MINDY2: variants seen among roughly 807,000 people sequenced by gnomAD.
MINDY2 encodes ubiquitin carboxyl-terminal hydrolase MINDY-2.
MINDY2 carries 52 observed loss-of-function variants against 68.2 expected under a neutral mutation model. The observed-to-expected ratio is 0.76, with a 90% CI of 0.61 to 0.96. The LOEUF (loss-of-function observed/expected upper bound fraction) is 0.96, where lower values mean the gene tolerates loss of function less well. MINDY2 is among the 40% of genes least tolerant of loss of function. MINDY2 has a pLI of 0.00. For synonymous variants in MINDY2, 372 were observed against 303.0 expected (o/e 1.23, Z -2.36); for missense variants, 881 against 773.4 (o/e 1.14, Z -1.65).
At position 58,807,174 on chromosome 15, in the gene MINDY2, G is replaced by C. The variant is rs1012548252; in HGVS notation, c.964-3056G>C. 5.9e-5 allele frequency among the ~76,000 whole-genome samples: 9 copies of C among 151,966 alleles called. 1 individual carries two copies. The East Asian group carries it at 1.5e-3, about 26-fold the overall frequency. ...TTATCAAACCCCTCTACAAACTATA[G>C]TCTACTGTTCTTATTTTGTGTCTTT... is the stretch of plus-strand genomic sequence containing the variant. On this transcript the variant is annotated intron_variant, in intron 3 of 8. Coordinates refer to ENST00000559228, the MANE Select transcript of MINDY2 (RefSeq NM_001040450.3).
Position 58,857,555 on chromosome 15 carries a change from A to AAT in MINDY2, c.*2945_*2946insAT. Reference sequence around the variant, plus strand: ...TCTCAAAAAAAAAAAAAAAAAAAAAATTAGAGCTATTGTGTCTTTATTTTC... The same window carrying AAT: ...TCTCAAAAAAAAAAAAAAAAAAAAAAATTTAGAGCTATTGTGTCTTTATTTTC... On this transcript the variant is annotated 3_prime_UTR_variant, in exon 9 of 9. Coordinates refer to ENST00000559228, the MANE Select transcript of MINDY2 (RefSeq NM_001040450.3). The AAT allele has an allele frequency of 6.6e-6, 1 of 151,274 alleles. No individual in the cohort carries two copies. The highest frequency in any genetic ancestry group is 2.4e-5 in the African/African-American group (1 of 41,144). The allele number at this position is 151,274 out of a possible 1,614,324, so 9.4% of individuals were successfully genotyped here. A position where few individuals can be genotyped will look rare whatever the true frequency, so the allele number is the denominator to read the frequency against.
chr15:58,829,919 C>T (rs1177261813), intron 5 of MINDY2, among the ~76,000 whole-genome samples: 2 of 152,130 alleles, frequency 1.3e-5, no homozygotes, highest in Non-Finnish European at 2.9e-5. Context: ...CTGGCACTAC[C>T]AAGTTTTCTT....
intron 6 of MINDY2, among the ~76,000 whole-genome samples, chr15:58,844,372 C>A (rs1245409653): frequency 1.3e-5 from 2 of 151,162 alleles, no homozygotes; most frequent in Non-Finnish European, 2.9e-5. Context: ...ACGGTGAAAC[C>A]CCGTCTCTAC....
intron 2 of MINDY2, among the ~76,000 whole-genome samples, chr15:58,791,215 TTATATATATATATATA>T (rs57998049): frequency 0.036 from 2,866 of 79,568 alleles, 179 homozygotes; most frequent in East Asian, 0.054. Flanking sequence ...GAAAGCAATT[TTATATATATATATATA>T]TATATATATA....
At position 58,831,832 on chromosome 15, in the gene MINDY2, A is replaced by G. The variant is rs758780205; in HGVS notation, c.1284A>G (p.Leu428=). 1 of 1,613,796 alleles carries G rather than the reference A, an allele frequency of 6.2e-7. No homozygotes were observed. The highest frequency in any genetic ancestry group is 1.3e-5 in the African/African-American group (1 of 75,054). ...CCACTCAACTGACATACCATGGATT[A>G]TGTGAACTAACTTCAACGGTTCAGG... ...NTATQLTYHG[L]CELTSTVQEG... The change falls in exon 6 of 9, where the codon TTA becomes TTG. Residue 428 remains leucine, a synonymous_variant. Transcript: ENST00000559228.
Position 58,771,853 on chromosome 15 carries a change from G to C in MINDY2, c.458G>C (p.Ser153Thr). Reference protein sequence around the residue: ...LTAAGSEEPSSAGGLSSSCSD... With the variant: ...LTAAGSEEPSTAGGLSSSCSD... Reference sequence around the variant, plus strand: ...GCCGCCGGCTCCGAAGAGCCCAGCAGCGCCGGCGGCCTCAGCAGCAGTTGC... The same window carrying C: ...GCCGCCGGCTCCGAAGAGCCCAGCACCGCCGGCGGCCTCAGCAGCAGTTGC... Residue 153 changes from serine to threonine, a missense_variant, in exon 1 of 9, where the codon AGC (serine) becomes ACC (threonine). By Grantham distance (58) the Ser-to-Thr change is moderately conservative. Transcript: ENST00000559228. The C allele has an allele frequency of 6.3e-7, 1 of 1,594,256 alleles. No individual in the cohort carries two copies. The highest frequency in any genetic ancestry group is 8.5e-7 in the Non-Finnish European group (1 of 1,170,866).
intron 1 of MINDY2, among the ~76,000 whole-genome samples, chr15:58,781,252 A>G (rs543786193): frequency 8.7e-4 from 133 of 152,174 alleles, no homozygotes; most frequent in African/African-American, 3.0e-3. Context: ...GGGTTTTACC[A>G]TGTTGGCCAG....
At position 58,792,422 on chromosome 15, in the gene MINDY2, A is replaced by G. The variant is rs188918550; in HGVS notation, c.898+4459A>G. ...AGAGTTTGAGACCAGCCTGGCCAAC[A>G]TGGTAAAACCCCGTCTCTACTAAGA... On this transcript the variant is annotated intron_variant, in intron 2 of 8. Transcript: ENST00000559228. Among the ~76,000 whole-genome samples, 5 of 152,340 alleles carry G rather than the reference A, an allele frequency of 3.3e-5. No individual in the cohort carries two copies. The East Asian group carries it at 5.8e-4, about 18-fold the overall frequency.
At chr15:58,792,815 G>C (rs975333768) in intron 2 of MINDY2, among the ~76,000 whole-genome samples, 2 of 152,130 alleles carry the variant, frequency 1.3e-5, no homozygotes, top group African/African-American at 4.8e-5. Context: ...AAGTACAAAA[G>C]ACCATATAGT....
chr15:58,847,463 T>C lies in MINDY2; in HGVS notation c.1535T>C (p.Ile512Thr), dbSNP rs1373557602. The change falls in exon 7 of 9, where the codon ATA (isoleucine) becomes ACA (threonine). Residue 512 changes from isoleucine to threonine, a missense_variant. Ile to Thr is a moderately conservative substitution (Grantham distance 89). Transcript: ENST00000559228. Reference sequence around the variant, plus strand: ...GTATACAAAGGACAACAAGATCAGATAGATCAGGTAAATTTGTATTGTCGT... The same window carrying C: ...GTATACAAAGGACAACAAGATCAGACAGATCAGGTAAATTTGTATTGTCGT... ...ETVYKGQQDQIDQDYLMALSL... is the reference protein window; with the variant it reads ...ETVYKGQQDQTDQDYLMALSL... 6.5e-7 allele frequency: 1 copy of C among 1,538,288 alleles called. No homozygotes were observed. Among genetic ancestry groups the C allele is most frequent in the Non-Finnish European group, 8.9e-7 (1 of 1,127,238 alleles).
chr15:58,817,466 C>A (rs1223805265), intron 4 of MINDY2, among the ~76,000 whole-genome samples: 1 of 152,182 alleles, frequency 6.6e-6, no homozygotes, highest in East Asian at 1.9e-4. Flanking sequence ...TGGCTCACAC[C>A]TGTAATCCCA....
At chr15:58,827,103 C>G (rs1466892404) in intron 5 of MINDY2, among the ~76,000 whole-genome samples, 1 of 152,098 alleles carries the variant, frequency 6.6e-6, no homozygotes, top group Non-Finnish European at 1.5e-5. Context: ...TGTGTCTTTC[C>G]CAGTGCATCA....
chr15:58,835,333 G>T (rs1253292507), intron 6 of MINDY2, among the ~76,000 whole-genome samples: 3 of 152,114 alleles, frequency 2.0e-5, no homozygotes, highest in Non-Finnish European at 2.9e-5. Flanking sequence ...TGTCAGGAAA[G>T]ATTTATTTAA....
chr15:58,793,823 G>A (rs1052687624), intron 2 of MINDY2, among the ~76,000 whole-genome samples: 1 of 152,104 alleles, frequency 6.6e-6, no homozygotes, highest in Non-Finnish European at 1.5e-5. Flanking sequence ...AGGATGAGGG[G>A]AGGAGTTGTT....
chr15:58,815,136 A>G (rs887916237), intron 4 of MINDY2: 7 of 152,124 alleles, frequency 4.6e-5, no homozygotes, highest in African/African-American at 1.7e-4. Context: ...GTTCGAGGAA[A>G]GGGCCCAACT....
At position 58,856,768 on chromosome 15, in the gene MINDY2, T is replaced by A. The variant is rs1806709899; in HGVS notation, c.*2158T>A. The A allele has an allele frequency of 6.6e-6, 1 of 152,240 alleles. No homozygotes were observed. The highest frequency in any genetic ancestry group is 2.4e-5 in the African/African-American group (1 of 41,460). 9.4% of individuals were successfully genotyped at this position (152,240 alleles called of 1,614,324 possible). On this transcript the variant is annotated 3_prime_UTR_variant, in exon 9 of 9. Coordinates refer to ENST00000559228, the MANE Select transcript of MINDY2 (RefSeq NM_001040450.3). ...GATAGTAGTGATAGTGCATTATATT[T>A]GAATAAGAAAAACAAACCAGTATAC...
At chr15:58,815,079 A>G (rs2030587672) in intron 4 of MINDY2, among the ~76,000 whole-genome samples, 1 of 152,134 alleles carries the variant, frequency 6.6e-6, no homozygotes, top group Non-Finnish European at 1.5e-5. Context: ...TAGTTTTAGC[A>G]CTTACATTTA....
chr15:58,859,392 T>C lies in MINDY2; in HGVS notation c.*4782T>C, dbSNP rs889986930. On this transcript the variant is annotated 3_prime_UTR_variant, in exon 9 of 9. Coordinates refer to ENST00000559228, the MANE Select transcript of MINDY2 (RefSeq NM_001040450.3). ...CTCTCAAGTAATATTATTTTAGGGC[T>C]ATATAAATTGTGTTTTTAGTGTAAA... is the stretch of plus-strand genomic sequence containing the variant. The C allele has an allele frequency of 5.9e-5, 9 of 152,168 alleles. No individual in the cohort carries two copies. Among genetic ancestry groups the C allele is most frequent in the Non-Finnish European group, 1.0e-4 (7 of 67,992 alleles). The allele number at this position is 152,168 out of a possible 1,614,324, so 9.4% of individuals were successfully genotyped here. A position where few individuals can be genotyped will look rare whatever the true frequency, so the allele number is the denominator to read the frequency against.
intron 7 of MINDY2, among the ~76,000 whole-genome samples, chr15:58,851,450 A>G (rs1000813776): frequency 1.3e-5 from 2 of 150,884 alleles, no homozygotes; most frequent in South Asian, 2.1e-4. Context: ...TATTTTATTC[A>G]TATTTATAGA....
Sources: allele counts gnomAD v4.1 joint callset (sites outside exome capture counted in the v4.1 genomes callset), GRCh38; gene constraint gnomAD v4.1.1; transcripts MANE v1.5; gene names NCBI Gene and HGNC (gene_info 2026-07-23, HGNC 2026-07-21).